MCM6: variants seen among roughly 807,000 people sequenced by gnomAD.
The protein encoded by MCM6 is minichromosome maintenance complex component 6, also known as DNA replication licensing factor MCM6.
MCM6 carries 46 observed loss-of-function variants against 94.3 expected under a neutral mutation model. The ratio of observed to expected loss-of-function variants is 0.49; its 90% CI spans 0.39 to 0.62. The LOEUF is 0.62. MCM6 is among the 20% of genes least tolerant of loss of function. The probability of loss-of-function intolerance (pLI) is 0.00; values close to 1 mark genes in which losing one functional copy is unlikely to be tolerated. For synonymous variants in MCM6, 335 were observed against 351.9 expected (o/e 0.95, Z 0.54); for missense variants, 865 against 1,017.9 (o/e 0.85, Z 2.04).
At chr2:135,862,478 A>C in intron 8 of MCM6, 129 bp downstream of exon 8, 1 of 1,041,538 alleles carries the variant, frequency 9.6e-7, no homozygotes, top group Non-Finnish European at 1.4e-6. Flanking sequence ...AATCTATGAG[A>C]ATTATATATT....
In MCM6 at chr2:135,860,553, G is replaced by A. The variant is rs145335799; in HGVS notation, c.1221-1111C>T. On this transcript the variant is annotated intron_variant, in intron 8 of 16. Coordinates refer to ENST00000264156, the MANE Select transcript of MCM6 (RefSeq NM_005915.6). Reference sequence around the variant, plus strand: ...TAGATATGGGGCTTATTCCAGAAATGCAAGATTGGTTTAACATCTGAAAAT... The same window carrying A: ...TAGATATGGGGCTTATTCCAGAAATACAAGATTGGTTTAACATCTGAAAAT... Among the ~76,000 whole-genome samples, 8 of 152,280 alleles carry A rather than the reference G, an allele frequency of 5.3e-5. No individual in the cohort carries two copies. The East Asian group carries it at 1.5e-3, about 29-fold the overall frequency.
chr2:135,844,556 G>A lies in MCM6; in HGVS notation c.2338C>T (p.Leu780Phe), dbSNP rs773697530. 2 of 1,571,796 alleles carry A rather than the reference G, an allele frequency of 1.3e-6. No individual in the cohort carries two copies. Among genetic ancestry groups the A allele is most frequent in the Admixed American group, 3.7e-5 (2 of 53,892 alleles). The change falls in exon 16 of 17, where the codon CTC (leucine) becomes TTC (phenylalanine). Residue 780 changes from leucine (L) to phenylalanine (F), a missense_variant. By Grantham distance (22) the Leu-to-Phe change is conservative (BLOSUM62 0). Transcript: ENST00000264156. ...KRIIEKVIHR[L>F]THYDHVLIEL... ...ACTTCTGCACCTACATAGTGTGTGA[G>A]TCGATGAATAACTTTCTCTATGATT... is the stretch of plus-strand genomic sequence containing the variant.
chr2:135,849,334 T>C (rs1679727700), intron 13 of MCM6, among the ~76,000 whole-genome samples: 1 of 152,210 alleles, frequency 6.6e-6, no homozygotes, highest in Non-Finnish European at 1.5e-5. Flanking sequence ...TCTGAGTAAC[T>C]TGACAAGGTG....
Position 135,851,456 on chromosome 2 carries a change from A to G in MCM6, c.1863T>C (p.Leu621=), listed in dbSNP as rs1190863348. The G allele has an allele frequency of 6.2e-7, 1 of 1,613,832 alleles. No individual in the cohort carries two copies. The highest frequency in any genetic ancestry group is 2.2e-5 in the East Asian group (1 of 44,878). ...CTTCAGAGAGACGAATCATGCTCTC[A>G]AGCTGTCGCACTGTAATCCTCCATG... ...KSSWRITVRQ[L]ESMIRLSEAM... Residue 621 remains leucine, a synonymous_variant, in exon 13 of 17, where the codon CTT becomes CTC. Coordinates refer to ENST00000264156, the MANE Select transcript of MCM6 (RefSeq NM_005915.6).
intron 6 of MCM6, 108 bp from the exon 7 acceptor site, chr2:135,865,271 A>C: frequency 9.2e-6 from 7 of 759,462 alleles, no homozygotes; most frequent in Non-Finnish European, 1.3e-5. Context: ...AGTCAACCTC[A>C]CAATTTATTG....
chr2:135,856,380 T>C (rs957469179), intron 11 of MCM6, among the ~76,000 whole-genome samples: 1 of 152,114 alleles, frequency 6.6e-6, no homozygotes, highest in Non-Finnish European at 1.5e-5. Context: ...GAAGTGGAGG[T>C]TGCAGTAGGC....
At chr2:135,841,273 C>T (rs1254837871) in intron 16 of MCM6, among the ~76,000 whole-genome samples, 1 of 152,114 alleles carries the variant, frequency 6.6e-6, no homozygotes, top group Non-Finnish European at 1.5e-5. Context: ...AACAACTCTG[C>T]AAAATCTTCT....
At chr2:135,842,248 C>T (rs985325644) in intron 16 of MCM6, among the ~76,000 whole-genome samples, 1 of 152,126 alleles carries the variant, frequency 6.6e-6, no homozygotes, top group African/African-American at 2.4e-5. Flanking sequence ...CAGACATGTC[C>T]CACCACTAGA....
At position 135,865,144 on chromosome 2, in the gene MCM6, C is replaced by A; in HGVS notation, c.947G>T (p.Arg316Ile). 6.5e-7 allele frequency: 1 copy of A among 1,544,316 alleles called. No individual in the cohort carries two copies. The highest frequency in any genetic ancestry group is 8.7e-7 in the Non-Finnish European group (1 of 1,148,048). Residue 316 changes from arginine (R) to isoleucine (I), a missense_variant, in exon 7 of 17, where the codon AGA (arginine) becomes ATA (isoleucine). By Grantham distance (97) the Arg-to-Ile change is moderately conservative (BLOSUM62 -3). Around this residue, in one of 3 missense-constraint regions of MCM6, gnomAD observed 404 missense variants for 451.9 expected, o/e 0.89. Coordinates refer to ENST00000264156, the MANE Select transcript of MCM6 (RefSeq NM_005915.6). The stretch of plus-strand genomic sequence containing the variant: ...GCTCTCAGCTGTCTGTTCCTCATCT[C>A]TGAGCTCTTTCCCCCCAAACTAATG... ...TNPRFGGKEL[R>I]DEEQTAESIK...
chr2:135,859,013 C>CT (rs1254936086), intron 9 of MCM6, among the ~76,000 whole-genome samples: 1 of 152,082 alleles, frequency 6.6e-6, no homozygotes, highest in Non-Finnish European at 1.5e-5. Flanking sequence ...ACCTCAGCCT[C>CT]TTGAGTAGCT....
In MCM6 at chr2:135,848,563, T is replaced by A. The variant is rs4988254; in HGVS notation, c.1918-375A>T. ...GTAGAAATATAAACATATATACATATCATATGAATCCAAAGACATATACAT... is the reference window on the plus strand; with the variant it reads ...GTAGAAATATAAACATATATACATAACATATGAATCCAAAGACATATACAT... On this transcript the variant is annotated intron_variant, in intron 13 of 16. Coordinates refer to ENST00000264156, the MANE Select transcript of MCM6 (RefSeq NM_005915.6). 9.3e-3 allele frequency among the ~76,000 whole-genome samples: 1,420 copies of A among 152,194 alleles called. 16 individuals are homozygous for A. The highest frequency in any genetic ancestry group is 0.024 in the Middle Eastern group (7 of 294).
chr2:135,854,903 C>T (rs1679844572), intron 11 of MCM6, among the ~76,000 whole-genome samples: 1 of 151,972 alleles, frequency 6.6e-6, no homozygotes, highest in South Asian at 2.1e-4. Flanking sequence ...ACCTGTAATC[C>T]CAACACTTTG....
At chr2:135,847,753 G>A (rs1276998764) in intron 14 of MCM6, among the ~76,000 whole-genome samples, 2 of 152,256 alleles carry the variant, frequency 1.3e-5, no homozygotes, top group East Asian at 3.9e-4. Context: ...TAGTAGAGAA[G>A]GGGTTTCACC....
At position 135,870,129 on chromosome 2, in the gene MCM6, G is replaced by C. The variant is rs1320460092; in HGVS notation, c.365+122C>G. ...AGGCTCAGGGAGGTAAAAGTGATTT[G>C]TATAATGTTAAATAGCCAGCTAATA... On this transcript the variant is annotated intron_variant, in intron 3 of 16. Transcript: ENST00000264156. 1.0e-5 allele frequency: 7 copies of C among 676,926 alleles called. No individual in the cohort carries two copies. The East Asian group carries it at 1.8e-4, about 17-fold the overall frequency. 41.9% of individuals were successfully genotyped at this position (676,926 alleles called of 1,614,324 possible). A position where few individuals can be genotyped will look rare whatever the true frequency, so the allele number is the denominator to read the frequency against.
At chr2:135,850,327 G>A (rs532111632) in intron 13 of MCM6, among the ~76,000 whole-genome samples, 2 of 152,068 alleles carry the variant, frequency 1.3e-5, no homozygotes, top group East Asian at 1.9e-4. Context: ...TTAGGTTCGG[G>A]GGTACACATG....
intron 15 of MCM6, 26 bp downstream of exon 15, chr2:135,846,211 T>C: frequency 1.9e-6 from 3 of 1,611,846 alleles, no homozygotes; most frequent in Non-Finnish European, 1.7e-6. Flanking sequence ...TGACCGAGCA[T>C]GTAAGCAGTA....
chr2:135,857,772 T>A (rs756638906), intron 10 of MCM6, 125 bp downstream of exon 10: 7 of 701,702 alleles, frequency 1.0e-5, no homozygotes, highest in African/African-American at 1.8e-5. Flanking sequence ...AGGGCTGTAT[T>A]TTCCATTTTA....
Position 135,876,411 on chromosome 2 carries a change from C to T in MCM6, c.-46G>A, listed in dbSNP as rs1324866495. 6.6e-7 allele frequency: 1 copy of T among 1,516,932 alleles called. No homozygotes were observed. The highest frequency in any genetic ancestry group is 1.2e-5 in the South Asian group (1 of 83,946). 94.0% of individuals were successfully genotyped at this position (1,516,932 alleles called of 1,614,324 possible). On this transcript the variant is annotated 5_prime_UTR_variant, in exon 1 of 17. The change creates a new upstream start codon in the 5' untranslated region. Transcript: ENST00000264156. ...TCGCCTGCGCCACGCTCGACCGCCACAAGTCGCTTTTTTCCAGACGCTGCA... is the reference window on the plus strand; with the variant it reads ...TCGCCTGCGCCACGCTCGACCGCCATAAGTCGCTTTTTTCCAGACGCTGCA...
At chr2:135,841,020 T>C (rs759465056) in intron 16 of MCM6, 69 bp from the exon 17 acceptor site, 15 of 1,103,102 alleles carry the variant, frequency 1.4e-5, no homozygotes, top group Admixed American at 1.8e-5. Flanking sequence ...ATACAAGACT[T>C]GACCCTTCTT....
Sources: allele counts gnomAD v4.1 joint callset (sites outside exome capture counted in the v4.1 genomes callset), GRCh38; gene constraint gnomAD v4.1.1; regional missense constraint gnomAD v4.1.1; transcripts MANE v1.5; gene names NCBI Gene and HGNC (gene_info 2026-07-23, HGNC 2026-07-21).